Variants in GJB1 observed in about 807,000 individuals in gnomAD.
GJB1 encodes gap junction beta-1 protein.
In GJB1, 1 loss-of-function variant was observed where a neutral mutation model predicts 12.0. That is an observed-to-expected ratio of 0.08 (90% CI 0.03 to 0.40). The LOEUF is 0.40. Ranked by LOEUF, GJB1 falls within the 10% of genes least tolerant of loss-of-function variation. GJB1 has a pLI of 0.98. For synonymous variants in GJB1, 114 were observed against 102.8 expected, an observed-to-expected ratio of 1.11 and a Z score of -0.66; for missense variants, 140 against 250.3, an observed-to-expected ratio of 0.56 and a Z score of 2.97.
rs773940714 is a variant in GJB1, at chrX:71,217,354, C to T, written c.-17+2083C>T. ...CTTAACCTCTCTGAGCCTCAACTTC[C>T]TTGTCTGAAAAATGGGGATAATATT... is the stretch of plus-strand genomic sequence containing the variant. On this transcript the variant is annotated intron_variant, in intron 1 of 1. Coordinates refer to the GJB1 transcript ENST00000374029. Among the ~76,000 whole-genome samples the T allele has an allele frequency of 8.0e-5, 9 of 111,893 alleles. No homozygotes were observed. In the South Asian group the frequency reaches 1.5e-3, roughly 18 times the overall value.
intron 1 of GJB1, 81 bp downstream of exon 1, chrX:71,223,416 C>T (rs2092541306): frequency 4.9e-6 from 2 of 406,577 alleles, no homozygotes; most frequent in South Asian, 6.9e-5. Context: ...TGGCTGATAT[C>T]GGAACAAGAT....
intron 1 of GJB1, among the ~76,000 whole-genome samples, chrX:71,217,133 T>C (rs1569213286): frequency 9.1e-6 from 1 of 109,414 alleles, no homozygotes; most frequent in Non-Finnish European, 1.9e-5. Context: ...TGTGTGTGTG[T>C]GTGTGTGCGT....
intron 1 of GJB1, among the ~76,000 whole-genome samples, chrX:71,216,174 T>G (rs902175294): frequency 9.0e-6 from 1 of 111,106 alleles, no homozygotes; most frequent in Non-Finnish European, 1.9e-5. Flanking sequence ...CCCGGCCGGT[T>G]TGGAGATCTA....
At chrX:71,222,992 C>A (rs1040649934), upstream of GJB1, among the ~76,000 whole-genome samples, 5 of 110,965 alleles carry the variant, frequency 4.5e-5, no homozygotes, top group Non-Finnish European at 9.5e-5. Context: ...CCCCCGCCCC[C>A]CCGTGGCCAT....
chrX:71,222,987 G>GC (rs748277939), upstream of GJB1, among the ~76,000 whole-genome samples: 24 of 110,381 alleles, frequency 2.2e-4, no homozygotes, highest in African/African-American at 4.3e-4. Flanking sequence ...CCCTCCCCCC[G>GC]CCCCCCCGTG....
rs760150310 is a variant in GJB1, at chrX:71,224,412, C to A, written c.705C>A (p.Phe235Leu). The A allele has an allele frequency of 8.3e-7, 1 of 1,209,996 alleles. No individual in the cohort carries two copies. Among genetic ancestry groups the A allele is most frequent in the Middle Eastern group, 2.3e-4 (1 of 4,351 alleles). Residue 235 changes from phenylalanine (F) to leucine (L), a missense_variant, in exon 2 of 2, where the codon TTC becomes TTA. Physicochemically the swap from Phe to Leu is conservative, Grantham distance 22. Around this residue, in one of 4 missense-constraint regions of GJB1, gnomAD observed 75 missense variants for 78.8 expected, o/e 0.95. Transcript: ENST00000361726. ...CACCTTCCCGCAAGGGCTCGGGCTTCGGCCACCGCCTCTCACCTGAATACA... is the reference window on the plus strand; with the variant it reads ...CACCTTCCCGCAAGGGCTCGGGCTTAGGCCACCGCCTCTCACCTGAATACA... Reference protein sequence around the residue: ...SNPPSRKGSGFGHRLSPEYKQ... With the variant: ...SNPPSRKGSGLGHRLSPEYKQ...
chrX:71,224,567 T>A lies in GJB1; in HGVS notation c.*8T>A. ...CGCTGCTCGGCCTGCTGATGCCACA[T>A]ACCAGGCAACCTCCCATCCCACCCC... On this transcript the variant is annotated 3_prime_UTR_variant, in exon 2 of 2. Transcript: ENST00000361726. 1 of 1,175,535 alleles carries A rather than the reference T, an allele frequency of 8.5e-7. No individual in the cohort carries two copies. Among genetic ancestry groups the A allele is most frequent in the Non-Finnish European group, 1.1e-6 (1 of 875,693 alleles).
Position 71,224,405 on chromosome X carries a change from C to A in GJB1, c.698C>A (p.Ser233Ter). 1 of 1,210,195 alleles carries A rather than the reference C, an allele frequency of 8.3e-7. No homozygotes were observed. The highest frequency in any genetic ancestry group is 1.1e-6 in the Non-Finnish European group (1 of 895,028). The change falls in exon 2 of 2, where the codon TCG becomes TAG. Residue 233 changes from serine (S) to a stop codon, truncating the protein, a stop_gained. Coordinates refer to ENST00000361726, the MANE Select transcript of GJB1 (RefSeq NM_000166.6). LOFTEE classifies it high-confidence loss of function. ...RRSNPPSRKG[S>*]GFGHRLSPEY... ...TCCAATCCACCTTCCCGCAAGGGCT[C>A]GGGCTTCGGCCACCGCCTCTCACCT...
intron 1 of GJB1, among the ~76,000 whole-genome samples, chrX:71,215,484 C>A (rs941483618): frequency 1.8e-5 from 2 of 112,290 alleles, no homozygotes; most frequent in South Asian, 7.3e-4. Flanking sequence ...TCTCTGCAGC[C>A]TCTTTCCAGG....
Position 71,216,922 on chromosome X carries a change from TC to T in GJB1, c.-17+1653del, listed in dbSNP as rs757341434. ...ATCTCAAAGAAAGCCCCATGTCCCTTCCTGACCAGTGACTGCCTGCGAAATG... is the reference window on the plus strand; with the variant it reads ...ATCTCAAAGAAAGCCCCATGTCCCTTCTGACCAGTGACTGCCTGCGAAATG... On this transcript the variant is annotated intron_variant, in intron 1 of 1. Transcript: ENST00000374029. 2.1e-4 allele frequency among the ~76,000 whole-genome samples: 23 copies of T among 111,450 alleles called. 1 individual carries two copies. In the South Asian group the frequency reaches 8.7e-3, roughly 42 times the overall value.
rs938061009 is a variant in GJB1 at position 71,223,977 on chromosome X, C to G, written c.270C>G (p.Leu90=). Reference sequence around the variant, plus strand: ...TCCTAGTTTCCACCCCAGCTCTCCTCGTGGCCATGCACGTGGCTCACCAGC... The same window carrying G: ...TCCTAGTTTCCACCCCAGCTCTCCTGGTGGCCATGCACGTGGCTCACCAGC... ...QLILVSTPAL[L]VAMHVAHQQH... is the part of the protein sequence containing the mutation. The change falls in exon 2 of 2, where the codon CTC becomes CTG. Residue 90 remains leucine (L), a synonymous_variant. Transcript: ENST00000361726. 3 of 1,202,835 alleles carry G rather than the reference C, an allele frequency of 2.5e-6. No homozygotes were observed. The highest frequency in any genetic ancestry group is 3.4e-6 in the Non-Finnish European group (3 of 890,435).
chrX:71,221,323 T>A (rs1342448849), upstream of GJB1, among the ~76,000 whole-genome samples: 1 of 100,122 alleles, frequency 1.0e-5, no homozygotes, highest in African/African-American at 3.6e-5. Flanking sequence ...CACTAAGGCT[T>A]TTTATTTATT....
upstream of GJB1, among the ~76,000 whole-genome samples, chrX:71,218,478 T>A (rs1425504320): frequency 2.1e-5 from 2 of 97,311 alleles, no homozygotes; most frequent in Non-Finnish European, 4.0e-5. Flanking sequence ...TGGGAAAGAG[T>A]ATGTGCTCTG....
intron 1 of GJB1, chrX:71,215,408 C>A (rs1213129312): frequency 8.9e-6 from 1 of 112,404 alleles, no homozygotes; most frequent in Non-Finnish European, 1.9e-5. Flanking sequence ...ACTTAGGTCC[C>A]TTCCATGCTT....
chrX:71,217,166 G>A (rs1249278946), intron 1 of GJB1, among the ~76,000 whole-genome samples: 1 of 108,358 alleles, frequency 9.2e-6, no homozygotes, highest in African/African-American at 3.4e-5. Flanking sequence ...GCAGGAAAGT[G>A]TATAGGTTTT....
upstream of GJB1, among the ~76,000 whole-genome samples, chrX:71,219,773 CAAAAAAAAAAAA>C (rs41477550): frequency 1.8e-4 from 4 of 22,057 alleles, no homozygotes; most frequent in Non-Finnish European, 2.8e-4. Flanking sequence ...GACTCCCTCT[CAAAAAAAAAAAA>C]AAAAAAAAAA....
Position 71,224,337 on chromosome X carries a change from G to A in GJB1, c.630G>A (p.Val210=), listed in dbSNP as rs1392148465. 9.1e-6 allele frequency: 11 copies of A among 1,206,510 alleles called. No individual in the cohort carries two copies. The highest frequency in any genetic ancestry group is 3.5e-5 in the South Asian group (2 of 56,574). Reference sequence around the variant, plus strand: ...TCATCCTCAATGTGGCCGAGGTGGTGTACCTCATCATCCGGGCCTGTGCCC... The same window carrying A: ...TCATCCTCAATGTGGCCGAGGTGGTATACCTCATCATCCGGGCCTGTGCCC... The part of the protein sequence containing the change: ...ICIILNVAEV[V]YLIIRACARR... The change falls in exon 2 of 2, where the codon GTG becomes GTA. Residue 210 remains valine (V), a synonymous_variant. Coordinates refer to ENST00000361726, the MANE Select transcript of GJB1 (RefSeq NM_000166.6).
At chrX:71,220,527 G>A (rs752640980), upstream of GJB1, among the ~76,000 whole-genome samples, 1 of 108,076 alleles carries the variant, frequency 9.3e-6, no homozygotes, top group South Asian at 4.1e-4. Flanking sequence ...TCTTTTCCGA[G>A]ACGGAGTCTC....
rs201697702 is a variant in GJB1 at position 71,224,378 on chromosome X, G to A, written c.671G>A (p.Arg224His). 189 of 1,207,876 alleles carry A rather than the reference G, an allele frequency of 1.6e-4. No homozygotes were observed. Among genetic ancestry groups the A allele is most frequent in the Admixed American group, 1.2e-3 (57 of 45,611 alleles). Residue 224 changes from arginine (R) to histidine (H), a missense_variant, in exon 2 of 2, where the codon CGC (arginine) becomes CAC (histidine). Transcript: ENST00000361726. ...IRACARRAQR[R>H]SNPPSRKGSG... ...GCCTGTGCCCGCCGAGCCCAGCGCC[G>A]CTCCAATCCACCTTCCCGCAAGGGC...
Sources: allele counts gnomAD v4.1 joint callset (sites outside exome capture counted in the v4.1 genomes callset), GRCh38; gene constraint gnomAD v4.1.1; regional missense constraint gnomAD v4.1.1; transcripts MANE v1.5; gene names NCBI Gene and HGNC (gene_info 2026-07-23, HGNC 2026-07-21).